Variants in DSG4 observed in about 807,000 individuals in gnomAD.
DSG4 encodes desmoglein 4.
A neutral mutation model predicts 93.1 loss-of-function variants in DSG4; 87 were observed. The observed-to-expected ratio is 0.93, with a 90% CI of 0.79 to 1.12. The LOEUF (loss-of-function observed/expected upper bound fraction) is 1.12. Among genes scored for constraint, DSG4 ranks in the 50% most tolerant of loss-of-function variants. DSG4 has a pLI of 0.00. For synonymous variants in DSG4, 432 were observed against 452.9 expected, an observed-to-expected ratio of 0.95 and a Z score of 0.59; for missense variants, 1,373 against 1,285.7, an observed-to-expected ratio of 1.07 and a Z score of -1.04.
intron 9 of DSG4, 75 bp downstream of exon 9, chr18:31,399,618 G>A (rs2072343971): frequency 6.3e-7 from 1 of 1,592,228 alleles, no homozygotes; most frequent in South Asian, 1.1e-5. Context: ...AATATATGTT[G>A]GTTGTAATAC....
intron 4 of DSG4, 81 bp from the exon 5 acceptor site, chr18:31,388,793 G>A: frequency 6.2e-7 from 1 of 1,603,080 alleles, no homozygotes; most frequent in Non-Finnish European, 8.5e-7. Flanking sequence ...TTGTTTCTTT[G>A]CCTATTTTCT....
intron 1 of DSG4, among the ~76,000 whole-genome samples, chr18:31,377,164 C>T (rs2072086302): frequency 6.6e-6 from 1 of 152,132 alleles, no homozygotes; most frequent in African/African-American, 2.4e-5. Flanking sequence ...GAGAATCTGG[C>T]TGAATTAAAT....
rs766900981 is a variant in DSG4 at position 31,409,804 on chromosome 18, C to T, written c.2133C>T (p.Ser711=). 1 of 1,613,998 alleles carries T rather than the reference C, an allele frequency of 6.2e-7. No homozygotes were observed. The stretch of plus-strand genomic sequence containing the variant: ...CAAATACCCAGGATCGGATGGATTC[C>T]TCTGGTCAGTAGACACCAAAATCTG... The part of the protein sequence containing the change: ...TASNTQDRMD[S]SEIYTNTYAA... The change falls in exon 14 of 16, where the codon TCC becomes TCT. Residue 711 remains serine (S), a synonymous_variant. Coordinates refer to ENST00000308128, the MANE Select transcript of DSG4 (RefSeq NM_177986.5).
rs2072489941 is a variant in DSG4 at position 31,411,406 on chromosome 18, C to G, written c.2313C>G (p.Asp771Glu). ...TGGGAACCCTGCGGGACTACGCTGA[C>G]GCAGACATCAACATGGCTTTCTTGG... is the stretch of plus-strand genomic sequence containing the variant. ...STMGTLRDYA[D>E]ADINMAFLDS... The change falls in exon 15 of 16, where the codon GAC (aspartate) becomes GAG (glutamate). Residue 771 changes from aspartate to glutamate, a missense_variant. By Grantham distance (45) the Asp-to-Glu change is conservative. Coordinates refer to ENST00000308128, the MANE Select transcript of DSG4 (RefSeq NM_177986.5). The G allele has an allele frequency of 6.2e-7, 1 of 1,611,098 alleles. No individual in the cohort carries two copies. Among genetic ancestry groups the G allele is most frequent in the Non-Finnish European group, 8.5e-7 (1 of 1,179,882 alleles).
intron 1 of DSG4, among the ~76,000 whole-genome samples, chr18:31,381,759 A>C (rs1429230936): frequency 6.6e-6 from 1 of 151,910 alleles, no homozygotes; most frequent in Non-Finnish European, 1.5e-5. Flanking sequence ...TCCCAGGTTC[A>C]GGCAATTCTC....
intron 1 of DSG4, among the ~76,000 whole-genome samples, chr18:31,379,375 T>C (rs2072110791): frequency 6.6e-6 from 1 of 152,196 alleles, no homozygotes; most frequent in South Asian, 2.1e-4. Flanking sequence ...AATACTTACA[T>C]AGTAGAAGTT....
In DSG4 at chr18:31,406,024, C is replaced by G. The variant is rs2072420799; in HGVS notation, c.1637-53C>G. ...GTATTAGGGAGAGTTAACCACCCCC[C>G]TAGCCCACCAAGGAATTTCCATTTA... On this transcript the variant is annotated intron_variant, in intron 11 of 15. Coordinates refer to ENST00000308128, the MANE Select transcript of DSG4 (RefSeq NM_177986.5). 5 of 1,609,110 alleles carry G rather than the reference C, an allele frequency of 3.1e-6. No homozygotes were observed. In the East Asian group the frequency reaches 8.9e-5, roughly 29 times the overall value.
chr18:31,396,269 T>C (rs919342453), intron 8 of DSG4, among the ~76,000 whole-genome samples: 2 of 151,534 alleles, frequency 1.3e-5, no homozygotes, highest in African/African-American at 4.8e-5. Context: ...AAACACCAAC[T>C]ATTCTGTTAT....
intron 10 of DSG4, 110 bp from the exon 11 acceptor site, chr18:31,403,306 C>T (rs2072388759): frequency 1.1e-6 from 1 of 935,926 alleles, no homozygotes; most frequent in African/African-American, 1.6e-5. Context: ...TCAAGCCTCC[C>T]AAGTCACGTA....
intron 1 of DSG4, among the ~76,000 whole-genome samples, chr18:31,381,791 C>T (rs1027907870): frequency 3.3e-5 from 5 of 151,530 alleles, no homozygotes; most frequent in Non-Finnish European, 5.9e-5. Flanking sequence ...TCACTGGTAG[C>T]TTGGGATTAC....
At chr18:31,395,630 A>G (rs2072297484) in intron 8 of DSG4, among the ~76,000 whole-genome samples, 1 of 152,134 alleles carries the variant, frequency 6.6e-6, no homozygotes, top group African/African-American at 2.4e-5. Context: ...TTCATTCGGG[A>G]TACCCCTTAA....
Position 31,406,462 on chromosome 18 carries a change from A to T in DSG4, c.1933+89A>T, listed in dbSNP as rs1053895113. ...CTGGGATGGTTAGGTTCATGGAGCC[A>T]TTTCTTTTTGGTATCTCTAGCAATT... On this transcript the variant is annotated intron_variant, in intron 12 of 15. Transcript: ENST00000308128. The T allele has an allele frequency of 5.9e-6, 9 of 1,536,008 alleles. No homozygotes were observed. The African/African-American group carries it at 1.2e-4, about 21-fold the overall frequency.
In DSG4 at chr18:31,390,739, C is replaced by G; in HGVS notation, c.601C>G (p.Gln201Glu). ...TAAAATTGCCTACAAGATCGTCTCT[C>G]AGGAGCCATCAGGTGCACCCATGTT... is the stretch of plus-strand genomic sequence containing the variant. ...NSKIAYKIVS[Q>E]EPSGAPMFIL... Residue 201 changes from glutamine (Q) to glutamate (E), a missense_variant, in exon 6 of 16, where the codon CAG (glutamine) becomes GAG (glutamate). By Grantham distance (29) the Gln-to-Glu change is conservative. Coordinates refer to ENST00000308128, the MANE Select transcript of DSG4 (RefSeq NM_177986.5). The G allele has an allele frequency of 6.2e-7, 1 of 1,613,840 alleles. No homozygotes were observed.
At chr18:31,392,078 A>T in intron 7 of DSG4, 77 bp from the exon 8 acceptor site, 1 of 1,387,584 alleles carries the variant, frequency 7.2e-7, no homozygotes, top group Non-Finnish European at 1.0e-6. Flanking sequence ...TTAGTATTTT[A>T]AATAATAATA....
At chr18:31,412,734 A>G in intron 15 of DSG4, 94 bp from the exon 16 acceptor site, 2 of 1,325,830 alleles carry the variant, frequency 1.5e-6, no homozygotes, top group Non-Finnish European at 2.1e-6. Flanking sequence ...TTCCGTAACA[A>G]CTTAACTCAG....
intron 1 of DSG4, among the ~76,000 whole-genome samples, chr18:31,379,827 G>A (rs1377197379): frequency 6.6e-6 from 1 of 152,152 alleles, no homozygotes; most frequent in Non-Finnish European, 1.5e-5. Context: ...TTGTCAGGCA[G>A]ATTTCCAGAA....
chr18:31,379,625 A>G (rs2072113469), intron 1 of DSG4, among the ~76,000 whole-genome samples: 1 of 152,228 alleles, frequency 6.6e-6, no homozygotes, highest in African/African-American at 2.4e-5. Context: ...AAGCACTTCC[A>G]TTAAATAGTC....
At position 31,412,699 on chromosome 18, in the gene DSG4, G is replaced by A. The variant is rs2072507444; in HGVS notation, c.2356-129G>A. On this transcript the variant is annotated intron_variant, in intron 15 of 15. Transcript: ENST00000308128. ...TGGATAGTATCAATTATTTTAATGA[G>A]TGATTGATACCATTATTCAGTTTAT... 8 of 922,682 alleles carry A rather than the reference G, an allele frequency of 8.7e-6. No homozygotes were observed. The South Asian group carries it at 1.1e-4, about 13-fold the overall frequency. 57.2% of individuals were successfully genotyped at this position (922,682 alleles called of 1,614,324 possible).
intron 11 of DSG4, 48 bp from the exon 12 acceptor site, chr18:31,406,029 C>T: frequency 6.2e-7 from 1 of 1,610,374 alleles, no homozygotes; most frequent in Non-Finnish European, 8.5e-7. Flanking sequence ...CCCCCCTAGC[C>T]CACCAAGGAA....
Sources: allele counts gnomAD v4.1 joint callset (sites outside exome capture counted in the v4.1 genomes callset), GRCh38; gene constraint gnomAD v4.1.1; transcripts MANE v1.5; gene names NCBI Gene and HGNC (gene_info 2026-07-23, HGNC 2026-07-21).